Variants in NDE1 observed in about 807,000 individuals in gnomAD.
NDE1 encodes nuclear distribution protein nudE homolog 1.
In NDE1, 28 loss-of-function variants were observed where a neutral mutation model predicts 43.4. That is an observed-to-expected ratio of 0.65 (90% CI 0.48 to 0.89). NDE1 has a LOEUF of 0.89. Among genes scored for constraint, NDE1 ranks in the 40% least tolerant of loss-of-function variants. The pLI, the probability that NDE1 is intolerant of heterozygous loss-of-function variation, is 0.00. For missense variants in NDE1, 441 were observed against 434.1 expected, an observed-to-expected ratio of 1.02 and a Z score of -0.14; for synonymous variants, 184 against 172.0, an observed-to-expected ratio of 1.07 and a Z score of -0.55.
At chr16:15,673,981 T>C (rs1397370291) in intron 3 of NDE1, among the ~76,000 whole-genome samples, 1 of 152,162 alleles carries the variant, frequency 6.6e-6, no homozygotes, top group Non-Finnish European at 1.5e-5. Flanking sequence ...TACTGGTTGA[T>C]TCTGGGCTAG....
At position 15,724,587 on chromosome 16, in the gene NDE1, G is replaced by A. The variant is rs995684445; in HGVS notation, c.*336G>A. On this transcript the variant is annotated 3_prime_UTR_variant, in exon 9 of 9. Transcript: ENST00000396354. The stretch of plus-strand genomic sequence containing the variant: ...ACTCCACCGCGATCTGCCTGCGGGG[G>A]ATCTCAGCGCAGAGAAGTTGAGAGG... The A allele has an allele frequency of 2.7e-5, 43 of 1,610,772 alleles. No individual in the cohort carries two copies. The highest frequency in any genetic ancestry group is 3.6e-5 in the Non-Finnish European group (42 of 1,178,450).
At chr16:15,672,345 T>C (rs1333027598) in intron 3 of NDE1, among the ~76,000 whole-genome samples, 4 of 151,996 alleles carry the variant, frequency 2.6e-5, no homozygotes, top group Admixed American at 2.0e-4. Flanking sequence ...GGCAGGAGAA[T>C]TGCTTGAACC....
chr16:15,658,444 G>T (rs918152238), intron 1 of NDE1, among the ~76,000 whole-genome samples: 3 of 152,198 alleles, frequency 2.0e-5, no homozygotes, highest in African/African-American at 7.2e-5. Flanking sequence ...TCGTGGGTTA[G>T]GCCCACCCAT....
chr16:15,672,004 T>C (rs1483370925), intron 3 of NDE1, among the ~76,000 whole-genome samples: 2 of 151,942 alleles, frequency 1.3e-5, no homozygotes, highest in Non-Finnish European at 2.9e-5. Flanking sequence ...AGTTCCTAAA[T>C]TGAAGGGGAC....
intron 3 of NDE1, among the ~76,000 whole-genome samples, chr16:15,670,662 A>G (rs2151458044): frequency 6.6e-6 from 1 of 150,974 alleles, no homozygotes; most frequent in East Asian, 1.9e-4. Context: ...TGTCTCAAAA[A>G]AAAAAAAAAA....
intron 2 of NDE1, among the ~76,000 whole-genome samples, chr16:15,666,652 G>A (rs1029836502): frequency 3.7e-4 from 57 of 152,112 alleles, no homozygotes; most frequent in African/African-American, 1.3e-3. Context: ...GTCTCACTCT[G>A]TCACCCAGGC....
intron 8 of NDE1, among the ~76,000 whole-genome samples, chr16:15,722,184 G>A (rs1451972604): frequency 1.3e-5 from 2 of 152,126 alleles, no homozygotes; most frequent in African/African-American, 4.8e-5. Context: ...GAAACCACTA[G>A]ACCTGCCCAC....
intron 7 of NDE1, chr16:15,695,525 C>T (rs1361195516): frequency 6.1e-6 from 6 of 983,970 alleles, no homozygotes; most frequent in Non-Finnish European, 7.2e-6. Context: ...ATCTTGAAAG[C>T]CTAGGGCAAA....
rs913239686 is a variant in NDE1, at chr16:15,659,909, C to T, written c.-43-4827C>T. Among the ~76,000 whole-genome samples, 7 of 151,800 alleles carry T rather than the reference C, an allele frequency of 4.6e-5. No homozygotes were observed. The East Asian group carries it at 5.8e-4, about 13-fold the overall frequency. On this transcript the variant is annotated intron_variant, in intron 1 of 8. Coordinates refer to ENST00000396354, the MANE Select transcript of NDE1 (RefSeq NM_017668.3). The stretch of plus-strand genomic sequence containing the variant: ...GACTACAGGTACCTGCCACTGCGCC[C>T]GCCTAATTTTTGTATTTTTAGTAGA...
intron 8 of NDE1, among the ~76,000 whole-genome samples, chr16:15,707,754 C>T (rs188476655): frequency 6.6e-6 from 1 of 152,082 alleles, no homozygotes; most frequent in Non-Finnish European, 1.5e-5. Flanking sequence ...CGCGGATCAC[C>T]TGAAGTCAGG....
chr16:15,724,052 A>T, intron 8 of NDE1, 139 bp from the exon 9 acceptor site: 5 of 1,542,582 alleles, frequency 3.2e-6, no homozygotes, highest in African/African-American at 1.4e-5. Context: ...CTCCCCACAG[A>T]GTGGAGAGGG....
intron 8 of NDE1, chr16:15,719,186 C>T: frequency 1.2e-6 from 2 of 1,602,334 alleles, no homozygotes; most frequent in Non-Finnish European, 8.5e-7. Flanking sequence ...CCATCCTCTG[C>T]TTCAGAGCCC....
At chr16:15,659,354 T>G (rs1368037570) in intron 1 of NDE1, among the ~76,000 whole-genome samples, 5 of 151,962 alleles carry the variant, frequency 3.3e-5, no homozygotes, top group Non-Finnish European at 7.4e-5. Context: ...TTTTTGCTCA[T>G]TCTTTTGTCC....
At chr16:15,691,064 T>C in intron 5 of NDE1, 80 bp from the exon 6 acceptor site, 1 of 1,586,438 alleles carries the variant, frequency 6.3e-7, no homozygotes, top group South Asian at 1.1e-5. Flanking sequence ...TGCCTTGGCC[T>C]CCCAAAGTGC....
chr16:15,724,871 T>C lies in NDE1; in HGVS notation c.*620T>C. ...GCCACCCCCCAGGTCCCCTGGATGATGTGGCAGGACACTCACCTGGGTGTC... is the reference window on the plus strand; with the variant it reads ...GCCACCCCCCAGGTCCCCTGGATGACGTGGCAGGACACTCACCTGGGTGTC... On this transcript the variant is annotated 3_prime_UTR_variant, in exon 9 of 9. Coordinates refer to ENST00000396354, the MANE Select transcript of NDE1 (RefSeq NM_017668.3). The C allele has an allele frequency of 6.2e-7, 1 of 1,613,746 alleles. No homozygotes were observed. Among genetic ancestry groups the C allele is most frequent in the Non-Finnish European group, 8.5e-7 (1 of 1,179,902 alleles).
At chr16:15,706,004 A>AAAAAAAAAAAAAAAT (rs1567671064) in intron 8 of NDE1, among the ~76,000 whole-genome samples, 3 of 150,900 alleles carry the variant, frequency 2.0e-5, no homozygotes, top group African/African-American at 7.3e-5. Flanking sequence ...AAAAAAAAAA[A>AAAAAAAAAAAAAAAT]ATCAAGGCCC....
chr16:15,644,454 C>G (rs192354872), intron 1 of NDE1, among the ~76,000 whole-genome samples: 5 of 152,166 alleles, frequency 3.3e-5, no homozygotes, highest in Non-Finnish European at 7.3e-5. Flanking sequence ...ACATCCTCTC[C>G]CTGCGTAGGT....
At chr16:15,647,941 G>A (rs1174867277), upstream of NDE1, among the ~76,000 whole-genome samples, 2 of 151,422 alleles carry the variant, frequency 1.3e-5, no homozygotes, top group African/African-American at 2.4e-5. Flanking sequence ...GATGAGGTGG[G>A]AGGATCACTT....
At chr16:15,710,788 C>T (rs912600439) in intron 8 of NDE1, among the ~76,000 whole-genome samples, 6 of 152,072 alleles carry the variant, frequency 3.9e-5, no homozygotes, top group Admixed American at 1.3e-4. Context: ...AAGGAGTGTC[C>T]TGTCTCAGCC....
Sources: gnomAD v4.1 joint callset for allele counts (sites outside exome capture counted in the v4.1 genomes callset) on GRCh38, gnomAD v4.1.1 for gene constraint, MANE v1.5 for transcripts, NCBI Gene and HGNC (gene_info 2026-07-23, HGNC 2026-07-21) for gene names.